CCBE1: variants seen among roughly 807,000 people sequenced by gnomAD.
The protein encoded by CCBE1 is collagen and calcium-binding EGF domain-containing protein 1.
A neutral mutation model predicts 50.0 loss-of-function variants in CCBE1; 37 were observed. The observed-to-expected ratio is 0.74, with a 90% CI of 0.57 to 0.97. The LOEUF (loss-of-function observed/expected upper bound fraction) is 0.97. CCBE1 is among the 50% of genes least tolerant of loss of function. The pLI is 0.00. For synonymous variants in CCBE1, 234 were observed against 203.7 expected, an observed-to-expected ratio of 1.15 and a Z score of -1.27; for missense variants, 538 against 523.8, an observed-to-expected ratio of 1.03 and a Z score of -0.26.
chr18:59,495,944 G>C (rs996699138), intron 2 of CCBE1, among the ~76,000 whole-genome samples: 1 of 152,198 alleles, frequency 6.6e-6, no homozygotes, highest in Non-Finnish European at 1.5e-5. Flanking sequence ...GGCCCAAGAA[G>C]AGATGTTCCT....
At chr18:59,697,633 T>C, upstream of CCBE1, 2 of 402,860 alleles carry the variant, frequency 5.0e-6, no homozygotes, top group Non-Finnish European at 9.0e-6. Context: ...GTCGGGACGT[T>C]CACGTCCGAT....
chr18:59,453,925 C>T (rs141434892), intron 6 of CCBE1, among the ~76,000 whole-genome samples: 23 of 152,268 alleles, frequency 1.5e-4, no homozygotes, highest in South Asian at 1.0e-3. Context: ...CACAGCAGAA[C>T]GGTGTTACTA....
At chr18:59,605,521 T>C (rs1285513504) in intron 2 of CCBE1, among the ~76,000 whole-genome samples, 1 of 152,160 alleles carries the variant, frequency 6.6e-6, no homozygotes, top group Non-Finnish European at 1.5e-5. Context: ...AACTCTTAGG[T>C]TGGCCAGCAT....
intron 2 of CCBE1, among the ~76,000 whole-genome samples, chr18:59,536,661 G>T (rs903972403): frequency 6.6e-6 from 1 of 152,062 alleles, no homozygotes; most frequent in Admixed American, 6.6e-5. Context: ...GTATTCAACA[G>T]GCATCTCCAT....
intron 2 of CCBE1, among the ~76,000 whole-genome samples, chr18:59,552,733 A>G (rs918228459): frequency 6.6e-6 from 1 of 152,252 alleles, no homozygotes; most frequent in African/African-American, 2.4e-5. Context: ...AGCTGATGGA[A>G]GATGTGTCTG....
chr18:59,497,081 A>G (rs781636880), intron 2 of CCBE1, among the ~76,000 whole-genome samples: 6 of 152,238 alleles, frequency 3.9e-5, no homozygotes, highest in Non-Finnish European at 8.8e-5. Context: ...AGTACCTAGT[A>G]TAGCACCTAC....
chr18:59,530,408 C>T, intron 2 of CCBE1, among the ~76,000 whole-genome samples: 1 of 152,150 alleles, frequency 6.6e-6, no homozygotes, highest in Non-Finnish European at 1.5e-5. Context: ...CCTCAATACC[C>T]ATGTATAATT....
At chr18:59,443,227 A>G (rs8087172) in intron 7 of CCBE1, among the ~76,000 whole-genome samples, 1 of 151,898 alleles carries the variant, frequency 6.6e-6, no homozygotes, top group Non-Finnish European at 1.5e-5. Flanking sequence ...GGGTTGGGTT[A>G]GCGGCGCTTC....
At chr18:59,525,285 G>A (rs60536719) in intron 2 of CCBE1, among the ~76,000 whole-genome samples, 2 of 152,160 alleles carry the variant, frequency 1.3e-5, no homozygotes, top group Non-Finnish European at 2.9e-5. Flanking sequence ...GGCATGAAAT[G>A]GTATCTCATT....
intron 2 of CCBE1, among the ~76,000 whole-genome samples, chr18:59,500,731 C>T (rs1044712792): frequency 1.3e-5 from 2 of 152,176 alleles, no homozygotes; most frequent in African/African-American, 2.4e-5. Context: ...GAGTTTGTAA[C>T]CATCGTGGCC....
intron 2 of CCBE1, among the ~76,000 whole-genome samples, chr18:59,500,375 G>A (rs976107243): frequency 3.3e-5 from 5 of 152,144 alleles, no homozygotes; most frequent in African/African-American, 7.2e-5. Flanking sequence ...TGAAGTCTTC[G>A]GAGGAAGGGC....
chr18:59,594,886 G>T lies in CCBE1; in HGVS notation c.212+101743C>A, dbSNP rs573879516. Among the ~76,000 whole-genome samples, 5 of 152,102 alleles carry T rather than the reference G, an allele frequency of 3.3e-5. No homozygotes were observed. The South Asian group carries it at 6.2e-4, about 19-fold the overall frequency. On this transcript the variant is annotated intron_variant, in intron 2 of 10. Coordinates refer to ENST00000439986, the MANE Select transcript of CCBE1 (RefSeq NM_133459.4). ...CCCAGCACTTTGGGAGGCCGAGGAG[G>T]GTGGATCACGAGGTCAAGAGAACAA... is the stretch of plus-strand genomic sequence containing the variant.
chr18:59,503,774 A>T (rs6567091), intron 2 of CCBE1, among the ~76,000 whole-genome samples: 39,844 of 152,078 alleles, frequency 0.26, 5,443 homozygotes, highest in Middle Eastern at 0.34. Flanking sequence ...TGCAAAGTAC[A>T]ACAGGCCCCA....
At chr18:59,580,506 T>C (rs2053067847) in intron 2 of CCBE1, among the ~76,000 whole-genome samples, 1 of 152,200 alleles carries the variant, frequency 6.6e-6, no homozygotes, top group South Asian at 2.1e-4. Context: ...CTTGGCAAAA[T>C]ACACTTTCTA....
intron 2 of CCBE1, among the ~76,000 whole-genome samples, chr18:59,551,343 C>G (rs1915923981): frequency 6.6e-6 from 1 of 152,170 alleles, no homozygotes; most frequent in South Asian, 2.1e-4. Flanking sequence ...ATAGAGGATA[C>G]TAACCATAAG....
intron 2 of CCBE1, among the ~76,000 whole-genome samples, chr18:59,627,867 CCTAGGAAGCTTATACAGGCATAT>C (rs917263935): frequency 6.6e-6 from 1 of 152,096 alleles, no homozygotes; most frequent in African/African-American, 2.4e-5. Context: ...TTACAGCAAA[CCTAGGAAGCTTATACAGGCATAT>C]TGAAAACCAT....
intron 2 of CCBE1, among the ~76,000 whole-genome samples, chr18:59,494,892 G>A (rs567145831): frequency 7.3e-4 from 111 of 152,266 alleles, no homozygotes; most frequent in Non-Finnish European, 9.0e-4. Context: ...TGTGGCTCAC[G>A]CCTGTAATCC....
At chr18:59,530,534 C>T (rs1199210502) in intron 2 of CCBE1, among the ~76,000 whole-genome samples, 12 of 152,120 alleles carry the variant, frequency 7.9e-5, no homozygotes, top group Admixed American at 7.2e-4. Flanking sequence ...ATGGCACCTA[C>T]AGGACATGCC....
At position 59,439,743 on chromosome 18, in the gene CCBE1, G is replaced by T; in HGVS notation, c.849C>A (p.Gly283=). ...GAGATGGTCCCATGGGTCCCATTGA[G>T]CCCCGTGGGCCGGGCTGCCCAGGAG... ...PGPPGQPGPR[G]SMGPMGPSPD... is the part of the protein sequence containing the mutation. Residue 283 remains glycine (G), a synonymous_variant, in exon 8 of 11, where the codon GGC becomes GGA. Transcript: ENST00000439986. 6.2e-7 allele frequency: 1 copy of T among 1,614,224 alleles called. No individual in the cohort carries two copies. The highest frequency in any genetic ancestry group is 1.3e-5 in the African/African-American group (1 of 75,076).
Sources: gnomAD v4.1 joint callset for allele counts (sites outside exome capture counted in the v4.1 genomes callset) on GRCh38, gnomAD v4.1.1 for gene constraint, MANE v1.5 for transcripts, NCBI Gene and HGNC (gene_info 2026-07-23, HGNC 2026-07-21) for gene names.